DCX: variants seen among roughly 807,000 people sequenced by gnomAD.
DCX encodes doublecortin.
A neutral mutation model predicts 20.9 loss-of-function variants in DCX; 4 were observed. The observed-to-expected ratio is 0.19, with a 90% CI of 0.09 to 0.44. The LOEUF is 0.44. Ranked by LOEUF, DCX falls within the 20% of genes least tolerant of loss-of-function variation. The pLI, the probability that DCX is intolerant of heterozygous loss-of-function variation, is 0.99. For missense variants in DCX, 133 were observed against 296.9 expected, an observed-to-expected ratio of 0.45 and a Z score of 4.06; for synonymous variants, 103 against 111.4, an observed-to-expected ratio of 0.92 and a Z score of 0.47.
At chrX:111,318,854 A>G in intron 5 of DCX, among the ~76,000 whole-genome samples, 1 of 111,561 alleles carries the variant, frequency 9.0e-6, no homozygotes, top group Non-Finnish European at 1.9e-5. Flanking sequence ...TACTATGCTT[A>G]TTACCTGGTT....
chrX:111,389,251 T>G (rs1040267027), intron 3 of DCX, among the ~76,000 whole-genome samples: 8 of 111,488 alleles, frequency 7.2e-5, no homozygotes, highest in African/African-American at 2.3e-4. Context: ...TGCCCGCACC[T>G]GCCTTTTAAT....
At position 111,386,173 on chromosome X, in the gene DCX, A is replaced by AT. The variant is rs753985632; in HGVS notation, c.705+14816dup. ...GGGAACCTATTGATTGATTTAAACA[A>AT]TTTTTTTTTCTTTGCTTGGCAAGAT... On this transcript the variant is annotated intron_variant, in intron 3 of 6. Transcript: ENST00000636035. 1.9e-4 allele frequency among the ~76,000 whole-genome samples: 21 copies of AT among 109,456 alleles called. 2 individuals carry two copies. Among genetic ancestry groups the AT allele is most frequent in the East Asian group, 1.2e-3 (4 of 3,418 alleles).
At chrX:111,333,019 A>AT in intron 4 of DCX, 32 bp downstream of exon 4, 1 of 1,039,276 alleles carries the variant, frequency 9.6e-7, no homozygotes, top group East Asian at 3.1e-5. Flanking sequence ...GGAGAGAACA[A>AT]TGGAGCAATA....
intron 5 of DCX, among the ~76,000 whole-genome samples, chrX:111,327,096 T>C (rs191710535): frequency 8.9e-6 from 1 of 112,406 alleles, no homozygotes; most frequent in East Asian, 2.8e-4. Flanking sequence ...TTAGAATTCC[T>C]GCTAAAGAGG....
At position 111,367,694 on chromosome X, in the gene DCX, G is replaced by A. The variant is rs756292996; in HGVS notation, c.705+33296C>T. Among the ~76,000 whole-genome samples, 152 of 111,718 alleles carry A rather than the reference G, an allele frequency of 1.4e-3. 1 individual carries two copies. The highest frequency in any genetic ancestry group is 4.7e-3 in the African/African-American group (144 of 30,768). On this transcript the variant is annotated intron_variant, in intron 3 of 6. Coordinates refer to ENST00000636035, the MANE Select transcript of DCX (RefSeq NM_001195553.2). ...AGCAATGTGCTGTGTAGTAGGGTAC[G>A]TGGCGGCCCTTTGAGGCAGACGTTA... is the stretch of plus-strand genomic sequence containing the variant.
chrX:111,402,231 G>A (rs1054825068), intron 2 of DCX, among the ~76,000 whole-genome samples: 1 of 111,746 alleles, frequency 8.9e-6, no homozygotes, highest in Non-Finnish European at 1.9e-5. Flanking sequence ...GAAGGATCTA[G>A]TGTAATTTTC....
At chrX:111,350,097 T>G (rs1923184455) in intron 3 of DCX, among the ~76,000 whole-genome samples, 1 of 111,037 alleles carries the variant, frequency 9.0e-6, no homozygotes, top group African/African-American at 3.3e-5. Context: ...TCAGGCAGGG[T>G]GCCTGGAAAT....
intron 4 of DCX, 111 bp downstream of exon 4, chrX:111,332,940 C>A: frequency 6.9e-6 from 4 of 578,163 alleles, no homozygotes; most frequent in Admixed American, 2.6e-5. Context: ...ACATTATAAG[C>A]CCTTGAAGGA....
intron 4 of DCX, 118 bp from the exon 5 acceptor site, chrX:111,331,159 A>C: frequency 1.2e-6 from 1 of 856,270 alleles, no homozygotes. Flanking sequence ...TCAGGACTAC[A>C]ATGTGGTCCT....
chrX:111,315,325 G>A (rs867508435), intron 5 of DCX, among the ~76,000 whole-genome samples: 11 of 60,740 alleles, frequency 1.8e-4, no homozygotes, highest in African/African-American at 6.3e-4. Context: ...AACACATGAA[G>A]AAATGCTCAT....
chrX:111,360,383 C>A (rs1346711962), intron 3 of DCX, among the ~76,000 whole-genome samples: 3 of 110,951 alleles, frequency 2.7e-5, no homozygotes, highest in Non-Finnish European at 5.7e-5. Context: ...TTTGTGGGAT[C>A]TAAAAATCAA....
intron 3 of DCX, among the ~76,000 whole-genome samples, chrX:111,364,914 T>C (rs1023276856): frequency 1.8e-5 from 2 of 109,399 alleles, no homozygotes; most frequent in African/African-American, 6.7e-5. Context: ...AGACGGGGTC[T>C]CACTCTGTTG....
chrX:111,298,737 G>A lies in DCX; in HGVS notation c.*2950C>T, dbSNP rs1183555073. 3 of 112,106 alleles carry A rather than the reference G, an allele frequency of 2.7e-5. No homozygotes were observed. Among genetic ancestry groups the A allele is most frequent in the African/African-American group, 6.5e-5 (2 of 30,719 alleles). The allele number at this position is 112,106 out of a possible 1,213,427, so 9.2% of individuals were successfully genotyped here. A position where few individuals can be genotyped will look rare whatever the true frequency, so the allele number is the denominator to read the frequency against. ...TAATTCAATCTAGGCTAATACTAAA[G>A]TCCATAAGGACACAAAGCAGTCATG... On this transcript the variant is annotated 3_prime_UTR_variant, in exon 7 of 7. Transcript: ENST00000636035.
At chrX:111,373,804 A>G (rs1360665014) in intron 3 of DCX, among the ~76,000 whole-genome samples, 1 of 111,974 alleles carries the variant, frequency 8.9e-6, no homozygotes, top group African/African-American at 3.2e-5. Flanking sequence ...AACCCTCTGA[A>G]GCAGGGATAG....
At position 111,337,628 on chromosome X, in the gene DCX, G is replaced by A. The variant is rs758583726; in HGVS notation, c.706-4475C>T. Among the ~76,000 whole-genome samples, 97 of 112,109 alleles carry A rather than the reference G, an allele frequency of 8.7e-4. 1 individual carries two copies. Among genetic ancestry groups the A allele is most frequent in the Non-Finnish European group, 1.5e-3 (81 of 53,182 alleles). On this transcript the variant is annotated intron_variant, in intron 3 of 6. Transcript: ENST00000636035. ...CACATATTATAGATGCTGGCAGTTCGTTTTTGAACATGCCTGGTTCTAGTA... is the reference window on the plus strand; with the variant it reads ...CACATATTATAGATGCTGGCAGTTCATTTTTGAACATGCCTGGTTCTAGTA...
rs995905933 is a variant in DCX at position 111,299,292 on chromosome X, C to T, written c.*2395G>A. 9.0e-6 allele frequency: 1 copy of T among 111,476 alleles called. No individual in the cohort carries two copies. Among genetic ancestry groups the T allele is most frequent in the Non-Finnish European group, 1.9e-5 (1 of 53,171 alleles). The allele number at this position is 111,476 out of a possible 1,213,427, so 9.2% of individuals were successfully genotyped here. A position where few individuals can be genotyped will look rare whatever the true frequency, so the allele number is the denominator to read the frequency against. On this transcript the variant is annotated 3_prime_UTR_variant, in exon 7 of 7. Transcript: ENST00000636035. Reference sequence around the variant, plus strand: ...GATTAAAAGTAAGATGGAAGATGTACTATTGTTATTGAAGATTGTTGGTTC... The same window carrying T: ...GATTAAAAGTAAGATGGAAGATGTATTATTGTTATTGAAGATTGTTGGTTC...
intron 2 of DCX, among the ~76,000 whole-genome samples, chrX:111,404,261 GA>G (rs993887788): frequency 3.7e-5 from 4 of 109,160 alleles, no homozygotes; most frequent in African/African-American, 1.3e-4. Context: ...AGCTGAAGAG[GA>G]AAAAAAAGAG....
At chrX:111,318,631 T>C (rs940387009) in intron 5 of DCX, among the ~76,000 whole-genome samples, 1 of 111,114 alleles carries the variant, frequency 9.0e-6, no homozygotes, top group Non-Finnish European at 1.9e-5. Context: ...AAGAACAAGA[T>C]TATGTACTTT....
intron 3 of DCX, among the ~76,000 whole-genome samples, chrX:111,397,495 G>C (rs1485153264): frequency 1.8e-5 from 2 of 111,830 alleles, no homozygotes; most frequent in Admixed American, 9.5e-5. Flanking sequence ...GTTAACTTTA[G>C]TGCTGTCATC....
Sources: allele counts gnomAD v4.1 joint callset (sites outside exome capture counted in the v4.1 genomes callset), GRCh38; gene constraint gnomAD v4.1.1; transcripts MANE v1.5; gene names NCBI Gene and HGNC (gene_info 2026-07-23, HGNC 2026-07-21).